The following LMNTD1 variants were observed in gnomAD, a reference collection of about 807,000 sequenced individuals.
LMNTD1 encodes the protein lamin tail domain containing 1, also known as lamin tail domain-containing protein 1.
In LMNTD1, 35 loss-of-function variants were observed where a neutral mutation model predicts 50.9. The ratio of observed to expected loss-of-function variants is 0.69; its 90% CI spans 0.53 to 0.91. The LOEUF is 0.91. LMNTD1 is among the 40% of genes least tolerant of loss of function. LMNTD1 has a pLI of 0.00. For missense variants in LMNTD1, 470 were observed against 475.5 expected, an observed-to-expected ratio of 0.99 and a Z score of 0.11; for synonymous variants, 153 against 161.9, an observed-to-expected ratio of 0.94 and a Z score of 0.42.
chr12:25,598,990 C>A (rs1382890662), intron 1 of LMNTD1, among the ~76,000 whole-genome samples: 3 of 151,778 alleles, frequency 2.0e-5, no homozygotes, highest in Admixed American at 6.6e-5. Context: ...AACTTCCAAA[C>A]TTATTCTACG....
intron 9 of LMNTD1, among the ~76,000 whole-genome samples, chr12:25,497,285 C>T (rs1028077404): frequency 6.6e-6 from 1 of 152,086 alleles, no homozygotes; most frequent in Non-Finnish European, 1.5e-5. Context: ...GGCCCCTCCT[C>T]TTCCTGTGTG....
Position 25,579,114 on chromosome 12 carries a change from CTCCT to C in LMNTD1, c.59-32564_59-32561del, listed in dbSNP as rs1176258880. 1.2e-4 allele frequency among the ~76,000 whole-genome samples: 19 copies of C among 152,292 alleles called. No homozygotes were observed. In the East Asian group the frequency reaches 3.5e-3, roughly 28 times the overall value. On this transcript the variant is annotated intron_variant, in intron 1 of 7. Coordinates refer to the LMNTD1 transcript ENST00000445693. ...ATTACATATTTTAGTTTTCAAGTTT[CTCCT>C]TCCTAGGCTATGAGTTATCTGTCAA...
intron 1 of LMNTD1, among the ~76,000 whole-genome samples, chr12:25,585,234 C>T (rs569767834): frequency 1.3e-5 from 2 of 152,324 alleles, no homozygotes; most frequent in South Asian, 4.1e-4. Flanking sequence ...TCTGCTCTTC[C>T]AGTTTCATTG....
intron 9 of LMNTD1, among the ~76,000 whole-genome samples, chr12:25,481,047 C>G (rs903894085): frequency 2.0e-5 from 3 of 150,332 alleles, no homozygotes; most frequent in Admixed American, 2.0e-4. Context: ...GTTATACCCC[C>G]CTCTTATTCC....
chr12:25,617,833 T>C (rs951053702), intron 1 of LMNTD1, among the ~76,000 whole-genome samples: 4 of 152,214 alleles, frequency 2.6e-5, no homozygotes, highest in Admixed American at 1.3e-4. Context: ...TTTATTCTTC[T>C]TGCATGAGGC....
intron 1 of LMNTD1, among the ~76,000 whole-genome samples, chr12:25,600,020 A>G (rs1241278440): frequency 6.6e-6 from 1 of 152,094 alleles, no homozygotes; most frequent in Non-Finnish European, 1.5e-5. Flanking sequence ...ACAAAACTGG[A>G]GGAATCATGT....
chr12:25,584,482 A>T (rs1055849957), intron 1 of LMNTD1, among the ~76,000 whole-genome samples: 3 of 152,182 alleles, frequency 2.0e-5, no homozygotes, highest in Non-Finnish European at 4.4e-5. Flanking sequence ...TTGACTTCTA[A>T]TGCACGGATT....
chr12:25,626,578 A>G (rs1279554574), intron 1 of LMNTD1, among the ~76,000 whole-genome samples: 3 of 152,190 alleles, frequency 2.0e-5, no homozygotes, highest in Non-Finnish European at 4.4e-5. Context: ...CTTTAGGCTG[A>G]ATTTCCTAAC....
chr12:25,639,273 T>G (rs190703), intron 1 of LMNTD1, among the ~76,000 whole-genome samples: 1 of 152,108 alleles, frequency 6.6e-6, no homozygotes, highest in Admixed American at 6.6e-5. Flanking sequence ...TTTTTAGATA[T>G]GACACTAAAT....
upstream of LMNTD1, among the ~76,000 whole-genome samples, chr12:25,558,020 T>C (rs1402993361): frequency 1.3e-5 from 2 of 152,210 alleles, no homozygotes; most frequent in Non-Finnish European, 2.9e-5. Flanking sequence ...TTCTCTAGTT[T>C]ATGGAACACT....
At chr12:25,544,133 G>T (rs187664374) in intron 4 of LMNTD1, among the ~76,000 whole-genome samples, 1 of 151,770 alleles carries the variant, frequency 6.6e-6, no homozygotes, top group Admixed American at 6.6e-5. Context: ...CGTGATTTTT[G>T]TGTCTGGTTC....
At chr12:25,594,325 A>G (rs567633259) in intron 1 of LMNTD1, among the ~76,000 whole-genome samples, 5 of 152,310 alleles carry the variant, frequency 3.3e-5, no homozygotes, top group African/African-American at 9.6e-5. Flanking sequence ...ACCACCAGGT[A>G]TCCTATAAAG....
intron 1 of LMNTD1, among the ~76,000 whole-genome samples, chr12:25,626,115 T>C (rs1946583715): frequency 6.6e-6 from 1 of 152,216 alleles, no homozygotes; most frequent in Non-Finnish European, 1.5e-5. Context: ...TTTGGGTCTC[T>C]CTAAACTGTC....
intron 1 of LMNTD1, among the ~76,000 whole-genome samples, chr12:25,617,399 G>A (rs1230244759): frequency 2.0e-5 from 3 of 152,150 alleles, no homozygotes; most frequent in African/African-American, 7.2e-5. Flanking sequence ...CTATAAGGCA[G>A]GTGTCTACTG....
chr12:25,553,305 C>T (rs932023893), upstream of LMNTD1: 26 of 1,380,848 alleles, frequency 1.9e-5, no homozygotes, highest in Middle Eastern at 2.7e-4. Flanking sequence ...CTGGCCAACA[C>T]TGCCTCTTAG....
chr12:25,634,644 A>G (rs35469787), intron 1 of LMNTD1, among the ~76,000 whole-genome samples: 12,657 of 152,162 alleles, frequency 0.083, 559 homozygotes, highest in Middle Eastern at 0.18. Flanking sequence ...ATTGGCATAC[A>G]AGGGACATAG....
At chr12:25,570,010 T>A (rs1462730177) in intron 1 of LMNTD1, among the ~76,000 whole-genome samples, 1 of 152,374 alleles carries the variant, frequency 6.6e-6, no homozygotes, top group South Asian at 2.1e-4. Context: ...AGCAGTCAGA[T>A]AATTGTCCAA....
At chr12:25,623,556 A>C (rs1946522970) in intron 1 of LMNTD1, among the ~76,000 whole-genome samples, 1 of 12,230 alleles carries the variant, frequency 8.2e-5, no homozygotes, top group Non-Finnish European at 2.2e-4. Flanking sequence ...TCTGTCTCAA[A>C]AAAAAAAAAA....
At chr12:25,580,980 C>A (rs1048109407) in intron 1 of LMNTD1, among the ~76,000 whole-genome samples, 1 of 152,112 alleles carries the variant, frequency 6.6e-6, no homozygotes, top group African/African-American at 2.4e-5. Flanking sequence ...GCATATAATC[C>A]CCCATGAACA....
Sources: gnomAD v4.1 joint callset for allele counts (sites outside exome capture counted in the v4.1 genomes callset) on GRCh38, gnomAD v4.1.1 for gene constraint, MANE v1.5 for transcripts, NCBI Gene and HGNC (gene_info 2026-07-23, HGNC 2026-07-21) for gene names.